The following TANC2 variants were observed in gnomAD, a reference collection of about 807,000 sequenced individuals.
TANC2 encodes the protein tetratricopeptide repeat, ankyrin repeat and coiled-coil containing 2, also known as protein TANC2.
Under a neutral mutation model 210.5 loss-of-function variants are expected in TANC2, and 26 were observed. That is an observed-to-expected ratio of 0.12 (90% confidence interval 0.09 to 0.17). TANC2 has a LOEUF of 0.17. Ranked by LOEUF, TANC2 falls within the 10% of genes least tolerant of loss-of-function variation. TANC2 has a pLI of 1.00. For missense variants in TANC2, 2,129 were observed against 2,608.9 expected, an observed-to-expected ratio of 0.82 and a Z score of 4.01; for synonymous variants, 931 against 967.1, an observed-to-expected ratio of 0.96 and a Z score of 0.69.
At chr17:63,075,872 G>A (rs1433323476) in intron 3 of TANC2, among the ~76,000 whole-genome samples, 1 of 152,122 alleles carries the variant, frequency 6.6e-6, no homozygotes, top group Admixed American at 6.5e-5. Context: ...ATGAGAAATA[G>A]TATTAGGAGT....
At chr17:62,987,008 G>C (rs1428855812) in intron 1 of TANC2, among the ~76,000 whole-genome samples, 1 of 152,156 alleles carries the variant, frequency 6.6e-6, no homozygotes, top group African/African-American at 2.4e-5. Flanking sequence ...GCACTGCCGG[G>C]CTGTTTCTCA....
intron 2 of TANC2, among the ~76,000 whole-genome samples, chr17:63,027,460 ATTATT>A (rs746085756): frequency 1.3e-5 from 2 of 152,044 alleles, no homozygotes; most frequent in African/African-American, 2.4e-5. Flanking sequence ...AAAATGATAA[ATTATT>A]TTAATACTGT....
chr17:63,090,762 A>G (rs1326894180), intron 3 of TANC2, among the ~76,000 whole-genome samples: 1 of 152,194 alleles, frequency 6.6e-6, no homozygotes, highest in Non-Finnish European at 1.5e-5. Context: ...TTCTACTTCT[A>G]GATCCTTGAG....
chr17:63,092,483 C>T (rs1197168897), intron 3 of TANC2, among the ~76,000 whole-genome samples: 1 of 151,708 alleles, frequency 6.6e-6, no homozygotes, highest in Non-Finnish European at 1.5e-5. Context: ...TTAGGCCATT[C>T]TTGCATTGCT....
chr17:63,194,169 C>T (rs1468866235), intron 6 of TANC2, 30 bp downstream of exon 6: 1 of 1,601,782 alleles, frequency 6.2e-7, no homozygotes, highest in Non-Finnish European at 8.5e-7. Context: ...CTTTGTGAAA[C>T]ATGGTGTGAA....
At chr17:63,009,507 A>G in intron 1 of TANC2, 30 bp from the exon 2 acceptor site, 2 of 1,532,206 alleles carry the variant, frequency 1.3e-6, no homozygotes, top group South Asian at 2.3e-5. Flanking sequence ...AAGTTTTCTT[A>G]AACACATTTT....
At chr17:63,242,703 T>C (rs2042808762) in intron 8 of TANC2, among the ~76,000 whole-genome samples, 1 of 152,122 alleles carries the variant, frequency 6.6e-6, no homozygotes, top group African/African-American at 2.4e-5. Context: ...CATCACAGTT[T>C]TATTTGTAGT....
rs75000986 is a variant in TANC2 at position 63,179,692 on chromosome 17, C to G, written c.434-14299C>G. Among the ~76,000 whole-genome samples the G allele has an allele frequency of 3.6e-3, 552 of 152,174 alleles. 7 individuals are homozygous for G. The highest frequency in any genetic ancestry group is 0.013 in the African/African-American group (542 of 41,496). ...TTGAACCTACAAATTGTTCCCTCTG[C>G]TCTTTTTCCCTGACTCTACTGTTCA... On this transcript the variant is annotated intron_variant, in intron 5 of 27. Transcript: ENST00000689528.
chr17:63,213,525 A>G (rs572946099), intron 7 of TANC2, among the ~76,000 whole-genome samples: 1 of 152,240 alleles, frequency 6.6e-6, no homozygotes, highest in Non-Finnish European at 1.5e-5. Flanking sequence ...GTATATTTTA[A>G]TAAGACAACT....
chr17:63,074,056 C>T lies in TANC2; in HGVS notation c.139+42C>T, dbSNP rs750058045. On this transcript the variant is annotated intron_variant, in intron 3 of 27. Coordinates refer to ENST00000689528, the Ensembl canonical transcript of TANC2. ...TTGATTATTAAATTTCAAAAAATAA[C>T]GATAGATATTTCTTTCTAGTACTTA... 38 of 1,488,634 alleles carry T rather than the reference C, an allele frequency of 2.6e-5. No individual in the cohort carries two copies. The Admixed American group carries it at 5.1e-4, about 20-fold the overall frequency. 92.2% of individuals were successfully genotyped at this position (1,488,634 alleles called of 1,614,324 possible).
chr17:63,313,649 G>A (rs1316742683), intron 9 of TANC2: 1 of 152,240 alleles, frequency 6.6e-6, no homozygotes, highest in African/African-American at 2.4e-5. Flanking sequence ...GACACTGGGT[G>A]AAGGCCTGCT....
intron 14 of TANC2, among the ~76,000 whole-genome samples, chr17:63,361,449 G>A (rs553810577): frequency 2.0e-5 from 3 of 152,360 alleles, no homozygotes; most frequent in African/African-American, 7.2e-5. Context: ...CAGCAGGGCA[G>A]GCAACTCCAG....
At chr17:63,202,551 A>G (rs965734775) in intron 7 of TANC2, among the ~76,000 whole-genome samples, 2 of 152,160 alleles carry the variant, frequency 1.3e-5, no homozygotes, top group Non-Finnish European at 2.9e-5. Context: ...CCAATTAAGT[A>G]TTTAGGAGCA....
intron 1 of TANC2, among the ~76,000 whole-genome samples, chr17:63,004,305 C>T (rs1187400263): frequency 6.6e-6 from 1 of 152,122 alleles, no homozygotes; most frequent in Non-Finnish European, 1.5e-5. Context: ...CAGGTCCCAA[C>T]AGGTGTTTGG....
chr17:63,279,260 A>G (rs1431290520), intron 9 of TANC2, among the ~76,000 whole-genome samples: 4 of 152,146 alleles, frequency 2.6e-5, no homozygotes, highest in African/African-American at 9.7e-5. Flanking sequence ...GAATGGGAAG[A>G]CAGGATGAAA....
At chr17:63,102,518 A>G (rs1430834383) in intron 4 of TANC2, among the ~76,000 whole-genome samples, 2 of 151,320 alleles carry the variant, frequency 1.3e-5, no homozygotes, top group East Asian at 3.9e-4. Context: ...CATGTGCACA[A>G]TGTGCAGGTT....
At chr17:63,263,648 G>T (rs1220021248) in intron 8 of TANC2, among the ~76,000 whole-genome samples, 1 of 152,108 alleles carries the variant, frequency 6.6e-6, no homozygotes, top group Non-Finnish European at 1.5e-5. Context: ...TATAGAACAG[G>T]AAAGAATTTT....
intron 4 of TANC2, among the ~76,000 whole-genome samples, chr17:63,143,788 TG>T (rs1167290518): frequency 6.6e-6 from 1 of 152,190 alleles, no homozygotes; most frequent in African/African-American, 2.4e-5. Context: ...TTAGAGTTTT[TG>T]TTTTATTTTC....
intron 15 of TANC2, among the ~76,000 whole-genome samples, chr17:63,384,827 G>A (rs1034984145): frequency 9.9e-5 from 15 of 152,168 alleles, no homozygotes; most frequent in African/African-American, 3.6e-4. Context: ...GATGGAAAAT[G>A]GTTTGGAATT....
Sources: gnomAD v4.1 joint callset for allele counts (sites outside exome capture counted in the v4.1 genomes callset) on GRCh38, gnomAD v4.1.1 for gene constraint, MANE v1.5 for transcripts, NCBI Gene and HGNC (gene_info 2026-07-23, HGNC 2026-07-21) for gene names.